The following FAM185A variants were observed in gnomAD, a reference collection of about 807,000 sequenced individuals.
The protein encoded by FAM185A is family with sequence similarity 185 member A.
In FAM185A, 21 loss-of-function variants were observed where a neutral mutation model predicts 45.7. The ratio of observed to expected loss-of-function variants is 0.46; its 90% confidence interval spans 0.33 to 0.66. The LOEUF (loss-of-function observed/expected upper bound fraction) is 0.66, where lower values mean the gene tolerates loss of function less well. FAM185A is among the 30% of genes least tolerant of loss of function. FAM185A has a pLI of 0.03. For missense variants in FAM185A, 305 were observed against 485.4 expected (o/e 0.63, Z 3.49); for synonymous variants, 117 against 194.0 (o/e 0.60, Z 3.30).
chr7:102,808,177 T>C (rs1797247431), intron 7 of FAM185A, 113 bp from the exon 8 acceptor site: 4 of 735,842 alleles, frequency 5.4e-6, no homozygotes, highest in Non-Finnish European at 9.2e-6. Context: ...TCAGACTATC[T>C]TTACCAAGAT....
At chr7:102,771,509 G>A (rs2129436434) in intron 4 of FAM185A, among the ~76,000 whole-genome samples, 1 of 152,138 alleles carries the variant, frequency 6.6e-6, no homozygotes, top group Non-Finnish European at 1.5e-5. Flanking sequence ...TCTGGCTATT[G>A]AGTAAATGAA....
At chr7:102,811,002 C>G (rs1163296135), downstream of FAM185A, among the ~76,000 whole-genome samples, 1 of 152,126 alleles carries the variant, frequency 6.6e-6, no homozygotes, top group South Asian at 2.1e-4. Context: ...TTCATGAAAT[C>G]AGAATGTATA....
At chr7:102,815,467 G>C in the FAM185A span, among the ~76,000 whole-genome samples, 1 of 151,968 alleles carries the variant, frequency 6.6e-6, no homozygotes, top group Non-Finnish European at 1.5e-5. Context: ...TGGATTGCTG[G>C]TCTAGAAGGG....
intron 7 of FAM185A, among the ~76,000 whole-genome samples, chr7:102,788,000 TATTGCCC>T (rs1356442786): frequency 9.8e-5 from 15 of 152,316 alleles, no homozygotes; most frequent in Admixed American, 5.9e-4. Flanking sequence ...AGTCTTACTC[TATTGCCC>T]ATACTGGAGT....
chr7:102,749,726 C>G (rs1793241406), intron 1 of FAM185A, 68 bp downstream of exon 1: 1 of 1,493,936 alleles, frequency 6.7e-7, no homozygotes, highest in African/African-American at 1.4e-5. Context: ...TAAATGTGGT[C>G]GACGTGCACT....
chr7:102,815,864 A>G, the FAM185A span, among the ~76,000 whole-genome samples: 1 of 152,298 alleles, frequency 6.6e-6, no homozygotes, highest in Non-Finnish European at 1.5e-5. Context: ...TAATTGTGAC[A>G]TAAAACAATT....
chr7:102,840,716 C>A, the FAM185A span, among the ~76,000 whole-genome samples: 2 of 152,106 alleles, frequency 1.3e-5, no homozygotes. Context: ...TCAAGGGAGG[C>A]TACCAGTCTA....
At chr7:102,838,775 G>A in the FAM185A span, among the ~76,000 whole-genome samples, 700 of 152,216 alleles carry the variant, frequency 4.6e-3, 17 homozygotes, top group East Asian at 1.4e-3. Flanking sequence ...CTGCAGTCTC[G>A]ATAAACCAGG....
chr7:102,750,743 T>G (rs1793314245), intron 1 of FAM185A, among the ~76,000 whole-genome samples: 1 of 152,202 alleles, frequency 6.6e-6, no homozygotes, highest in Non-Finnish European at 1.5e-5. Flanking sequence ...TTTATGTTAA[T>G]TCCAAATTAA....
intron 7 of FAM185A, among the ~76,000 whole-genome samples, chr7:102,802,080 C>G (rs577289718): frequency 1.3e-5 from 2 of 152,238 alleles, no homozygotes; most frequent in East Asian, 3.9e-4. Flanking sequence ...CAGACAGCAA[C>G]ACAATAATAG....
rs537368121 is a variant in FAM185A, at chr7:102,757,394, T to C, written c.562-460T>C. 3.3e-5 allele frequency among the ~76,000 whole-genome samples: 5 copies of C among 152,368 alleles called. No homozygotes were observed. The East Asian group carries it at 9.6e-4, about 29-fold the overall frequency. On this transcript the variant is annotated intron_variant, in intron 2 of 7. Transcript: ENST00000413034. ...CCTCTGTAAAATGGGAAAAATGTAA[T>C]ACTTATCTCTCTGGTTTGTCGTGAG...
chr7:102,835,778 T>G, the FAM185A span, among the ~76,000 whole-genome samples: 2 of 149,684 alleles, frequency 1.3e-5, no homozygotes, highest in Admixed American at 1.3e-4. Context: ...CCCGGCTAAT[T>G]TTTTGTATTT....
chr7:102,799,224 T>C (rs907668535), intron 7 of FAM185A, among the ~76,000 whole-genome samples: 5 of 152,120 alleles, frequency 3.3e-5, no homozygotes, highest in African/African-American at 1.2e-4. Flanking sequence ...ATTTACCAAT[T>C]GAACTCAGAG....
intron 7 of FAM185A, among the ~76,000 whole-genome samples, chr7:102,800,626 T>C (rs1295860311): frequency 6.6e-6 from 1 of 152,022 alleles, no homozygotes; most frequent in Non-Finnish European, 1.5e-5. Flanking sequence ...TAGAATTGAA[T>C]AAGTAGAAGA....
chr7:102,771,369 T>A (rs915055455), intron 4 of FAM185A, among the ~76,000 whole-genome samples: 3 of 151,998 alleles, frequency 2.0e-5, no homozygotes, highest in Non-Finnish European at 4.4e-5. Flanking sequence ...TGAAAAAAAA[T>A]TAGTAATCTT....
chr7:102,831,428 C>CAT, the FAM185A span, among the ~76,000 whole-genome samples: 20 of 151,718 alleles, frequency 1.3e-4, 1 homozygote, highest in Admixed American at 7.2e-4. Context: ...CACACACACA[C>CAT]ACACCCCACT....
chr7:102,845,580 T>C, the FAM185A span, among the ~76,000 whole-genome samples: 1 of 152,180 alleles, frequency 6.6e-6, no homozygotes, highest in African/African-American at 2.4e-5. Context: ...ACATCGTCTT[T>C]AACCACATCT....
the FAM185A span, among the ~76,000 whole-genome samples, chr7:102,837,311 C>T: frequency 6.6e-6 from 1 of 152,182 alleles, no homozygotes; most frequent in Non-Finnish European, 1.5e-5. Context: ...CTGAGCAAGG[C>T]TTAGCAAAGG....
At chr7:102,769,484 A>G (rs1794617622) in intron 4 of FAM185A, among the ~76,000 whole-genome samples, 1 of 151,804 alleles carries the variant, frequency 6.6e-6, no homozygotes, top group African/African-American at 2.4e-5. Context: ...CTAGTGTAAA[A>G]CTATAAAGCT....
Sources: allele counts gnomAD v4.1 joint callset (sites outside exome capture counted in the v4.1 genomes callset), GRCh38; gene constraint gnomAD v4.1.1; transcripts MANE v1.5; gene names NCBI Gene and HGNC (gene_info 2026-07-23, HGNC 2026-07-21).